RAC1: variants seen among roughly 807,000 people sequenced by gnomAD.
RAC1 encodes Rac family small GTPase 1.
A neutral mutation model predicts 25.2 loss-of-function variants in RAC1; 2 were observed. The observed-to-expected ratio is 0.08, with a 90% confidence interval of 0.03 to 0.25. The LOEUF is 0.25. Among genes scored for constraint, RAC1 ranks in the 10% least tolerant of loss-of-function variants. RAC1 has a pLI of 1.00. For synonymous variants in RAC1, 88 were observed against 94.0 expected (o/e 0.94, Z 0.37); for missense variants, 50 against 235.7 (o/e 0.21, Z 5.16).
chr7:6,389,384 A>AT (rs200405168), intron 2 of RAC1, among the ~76,000 whole-genome samples: 7,532 of 144,502 alleles, frequency 0.052, 439 homozygotes, highest in African/African-American at 0.14. Context: ...AATCTTTTGA[A>AT]TTTTTTTTTT....
intron 3 of RAC1, among the ~76,000 whole-genome samples, 190 bp downstream of exon 3, chr7:6,392,231 C>T (rs1654550089): frequency 6.6e-6 from 1 of 152,160 alleles, no homozygotes; most frequent in Non-Finnish European, 1.5e-5. Flanking sequence ...GTGTTTTGAG[C>T]GTTACCAGCT....
At position 6,401,795 on chromosome 7, in the gene RAC1, G is replaced by A. The variant is rs1003869751; in HGVS notation, c.289-73G>A. On this transcript the variant is annotated intron_variant, in intron 4 of 5. Transcript: ENST00000348035. ...TTAGGTGTCTGGCATGAGTGCCGCC[G>A]GCTGGGTGTGATTTAGGTGAAGGAC... 22 of 1,513,580 alleles carry A rather than the reference G, an allele frequency of 1.5e-5. No homozygotes were observed. In the African/African-American group the frequency reaches 2.4e-4, roughly 16 times the overall value. 93.8% of individuals were successfully genotyped at this position (1,513,580 alleles called of 1,614,324 possible). A position where few individuals can be genotyped will look rare whatever the true frequency, so the allele number is the denominator to read the frequency against.
At chr7:6,390,953 A>G in intron 2 of RAC1, among the ~76,000 whole-genome samples, 1 of 152,130 alleles carries the variant, frequency 6.6e-6, no homozygotes, top group Non-Finnish European at 1.5e-5. Context: ...GCCGGAGTGC[A>G]GTGGCGCAAC....
At chr7:6,398,142 T>A (rs1783299049) in intron 3 of RAC1, among the ~76,000 whole-genome samples, 1 of 152,246 alleles carries the variant, frequency 6.6e-6, no homozygotes, top group Non-Finnish European at 1.5e-5. Flanking sequence ...GGAACATTTC[T>A]GCATAGGAGA....
At chr7:6,380,317 T>C (rs1015894273) in intron 1 of RAC1, among the ~76,000 whole-genome samples, 2 of 152,134 alleles carry the variant, frequency 1.3e-5, no homozygotes, top group African/African-American at 4.8e-5. Flanking sequence ...CTCTGATCTT[T>C]GTTGATGATT....
chr7:6,400,015 G>A, intron 3 of RAC1, 111 bp from the exon 4 acceptor site: 1 of 986,328 alleles, frequency 1.0e-6, no homozygotes, highest in Non-Finnish European at 1.6e-6. Context: ...CACACCACTG[G>A]TAGACACGCT....
At chr7:6,387,538 A>G (rs1478911086) in intron 2 of RAC1, among the ~76,000 whole-genome samples, 1 of 152,160 alleles carries the variant, frequency 6.6e-6, no homozygotes, top group African/African-American at 2.4e-5. Context: ...AGCATGGTCA[A>G]CGTGATGAAA....
chr7:6,374,753 TGTG>T lies in RAC1; in HGVS notation c.26_28del (p.Val9del). On this transcript the variant is annotated inframe_deletion, in exon 1 of 6. Transcript: ENST00000348035. ...CGGCCCTGATGCAGGCCATCAAGTG[TGTG>T]GTGGTGGGAGACGGGTGAGTGCGCG... 1 of 1,144,184 alleles carries T rather than the reference TGTG, an allele frequency of 8.7e-7. No homozygotes were observed. Among genetic ancestry groups the T allele is most frequent in the East Asian group, 5.1e-5 (1 of 19,582 alleles). 70.9% of individuals were successfully genotyped at this position (1,144,184 alleles called of 1,614,324 possible). A position where few individuals can be genotyped will look rare whatever the true frequency, so the allele number is the denominator to read the frequency against.
chr7:6,399,752 C>T (rs1032892357), intron 3 of RAC1: 2 of 185,860 alleles, frequency 1.1e-5, no homozygotes, highest in African/African-American at 4.7e-5. Context: ...CCATCTAAAA[C>T]TGTTTGTACT....
At chr7:6,377,827 C>G (rs770582362) in intron 1 of RAC1, among the ~76,000 whole-genome samples, 4 of 152,080 alleles carry the variant, frequency 2.6e-5, no homozygotes, top group Non-Finnish European at 4.4e-5. Context: ...ATCGCTTGAA[C>G]TTGGGAGGTG....
At chr7:6,387,446 A>C (rs879161187) in intron 2 of RAC1, among the ~76,000 whole-genome samples, 163 bp downstream of exon 2, 1 of 152,152 alleles carries the variant, frequency 6.6e-6, no homozygotes, top group Non-Finnish European at 1.5e-5. Context: ...TAGGCTTTTA[A>C]AAAATAGGGC....
intron 2 of RAC1, among the ~76,000 whole-genome samples, chr7:6,390,092 C>T (rs1329463134): frequency 7.5e-5 from 7 of 93,036 alleles, no homozygotes; most frequent in Non-Finnish European, 1.1e-4. Flanking sequence ...CCCTCCCTCC[C>T]TCCCTTTTTT....
chr7:6,400,007 C>T (rs1783350515), intron 3 of RAC1, 119 bp from the exon 4 acceptor site: 1 of 916,564 alleles, frequency 1.1e-6, no homozygotes, highest in South Asian at 1.4e-5. Flanking sequence ...CGTCTGACCA[C>T]ACCACTGGTA....
intron 2 of RAC1, among the ~76,000 whole-genome samples, chr7:6,387,868 CAAG>C (rs1782966429): frequency 6.6e-6 from 1 of 152,158 alleles, no homozygotes; most frequent in Non-Finnish European, 1.5e-5. Context: ...TAGTTGGACA[CAAG>C]AACTCTGACC....
rs1436564769 is a variant in RAC1, at chr7:6,402,407, T to G, written c.540T>G (p.Pro180=). Residue 180 remains proline (P), a synonymous_variant, in exon 6 of 6, where the codon CCT becomes CCG. Coordinates refer to ENST00000348035, the MANE Select transcript of RAC1 (RefSeq NM_006908.5). ...CGATCCGAGCAGTCCTCTGCCCGCC[T>G]CCCGTGAAGAAGAGGAAGAGAAAAT... The part of the protein sequence containing the change: ...DEAIRAVLCP[P]PVKKRKRKCL... The G allele has an allele frequency of 6.2e-7, 1 of 1,604,068 alleles. No individual in the cohort carries two copies. Among genetic ancestry groups the G allele is most frequent in the African/African-American group, 1.4e-5 (1 of 72,732 alleles).
intron 5 of RAC1, 125 bp downstream of exon 5, chr7:6,402,152 C>G (rs1783420444): frequency 1.4e-6 from 2 of 1,445,414 alleles, no homozygotes; most frequent in African/African-American, 1.4e-5. Flanking sequence ...CTTGGGGAAC[C>G]AGCTGGCAAG....
At chr7:6,374,933 C>T (rs1303283512) in intron 1 of RAC1, among the ~76,000 whole-genome samples, 163 bp downstream of exon 1, 1 of 151,252 alleles carries the variant, frequency 6.6e-6, no homozygotes, top group African/African-American at 2.4e-5. Context: ...GCGCCCCCAC[C>T]GGACCCTGAC....
At chr7:6,389,532 T>G (rs887995602) in intron 2 of RAC1, among the ~76,000 whole-genome samples, 1 of 152,002 alleles carries the variant, frequency 6.6e-6, no homozygotes, top group African/African-American at 2.4e-5. Flanking sequence ...ATACAAAAAT[T>G]AGCTGGGCAT....
At chr7:6,376,115 C>T (rs1371535278) in intron 1 of RAC1, among the ~76,000 whole-genome samples, 2 of 150,646 alleles carry the variant, frequency 1.3e-5, no homozygotes, top group East Asian at 4.0e-4. Flanking sequence ...TTGTAAGATG[C>T]CCATCTGTCG....
Sources: allele counts gnomAD v4.1 joint callset (sites outside exome capture counted in the v4.1 genomes callset), GRCh38; gene constraint gnomAD v4.1.1; transcripts MANE v1.5; gene names NCBI Gene and HGNC (gene_info 2026-07-23, HGNC 2026-07-21).